The following ATM variants were observed in gnomAD, a reference collection of about 807,000 sequenced individuals.
The protein encoded by ATM is ATM serine/threonine kinase.
In ATM, 308 loss-of-function variants were observed where a neutral mutation model predicts 387.0. The ratio of observed to expected loss-of-function variants is 0.80; its 90% confidence interval spans 0.73 to 0.87. The LOEUF (loss-of-function observed/expected upper bound fraction) is 0.87. ATM is among the 40% of genes least tolerant of loss of function. ATM has a pLI of 0.00. For missense variants in ATM, 3,312 were observed against 3,560.9 expected (o/e 0.93, Z 1.78); for synonymous variants, 1,156 against 1,187.3 (o/e 0.97, Z 0.54).
At chr11:108,335,453 C>T (rs948788618) in intron 55 of ATM, among the ~76,000 whole-genome samples, 2 of 152,018 alleles carry the variant, frequency 1.3e-5, no homozygotes, top group African/African-American at 4.8e-5. Context: ...ATCAGTATAC[C>T]GGGTCTCGTA....
At chr11:108,273,523 G>C (rs748442801) in intron 22 of ATM, among the ~76,000 whole-genome samples, 1 of 151,178 alleles carries the variant, frequency 6.6e-6, no homozygotes, top group African/African-American at 2.4e-5. Flanking sequence ...TTTATTTTTC[G>C]TAGAGATGGA....
intron 26 of ATM, among the ~76,000 whole-genome samples, chr11:108,285,317 C>G (rs947727390): frequency 1.0e-5 from 1 of 98,920 alleles, no homozygotes; most frequent in Admixed American, 1.1e-4. Context: ...ATACATTTTT[C>G]TCTCTTTTTT....
chr11:108,238,681 T>A (rs1418564262), intron 5 of ATM, among the ~76,000 whole-genome samples: 2 of 152,148 alleles, frequency 1.3e-5, no homozygotes, highest in African/African-American at 4.8e-5. Context: ...GAATGTTCTT[T>A]TGGATTTTCT....
In ATM at chr11:108,267,254, G is replaced by A. The variant is rs1399925352; in HGVS notation, c.2550G>A (p.Glu850=). ...CTAATGGAAATCTAATGGAGGTGGA[G>A]GATCAGTCATCCATGAATCTATTTA... is the stretch of plus-strand genomic sequence containing the variant. ...DDTNGNLMEV[E]DQSSMNLFND... is the part of the protein sequence containing the mutation. Residue 850 remains glutamate, a synonymous_variant, in exon 17 of 63, where the codon GAG becomes GAA. Coordinates refer to ENST00000675843, the MANE Select transcript of ATM (RefSeq NM_000051.4). 9 of 1,614,038 alleles carry A rather than the reference G, an allele frequency of 5.6e-6. No homozygotes were observed. The highest frequency in any genetic ancestry group is 7.6e-6 in the Non-Finnish European group (9 of 1,179,920).
At chr11:108,270,717 A>G (rs565065803) in intron 18 of ATM, among the ~76,000 whole-genome samples, 9 of 152,110 alleles carry the variant, frequency 5.9e-5, no homozygotes, top group African/African-American at 2.2e-4. Flanking sequence ...TTTTTTTGAG[A>G]CGGAATCTCG....
At position 108,343,491 on chromosome 11, in the gene ATM, A is replaced by T. The variant is rs1344899789; in HGVS notation, c.8418+120A>T. The T allele has an allele frequency of 2.4e-6, 3 of 1,227,098 alleles. No individual in the cohort carries two copies. In the African/African-American group the frequency reaches 4.6e-5, roughly 19 times the overall value. 76.0% of individuals were successfully genotyped at this position (1,227,098 alleles called of 1,614,324 possible). ...TAATTTCATCAGGTAATTGTCAAAGATACTAAGTAAAAGAAAAACTCATCA... is the reference window on the plus strand; with the variant it reads ...TAATTTCATCAGGTAATTGTCAAAGTTACTAAGTAAAAGAAAAACTCATCA... On this transcript the variant is annotated intron_variant, in intron 57 of 62. Transcript: ENST00000675843.
intron 29 of ATM, among the ~76,000 whole-genome samples, chr11:108,291,979 C>A (rs1177041058): frequency 6.6e-6 from 1 of 152,186 alleles, no homozygotes; most frequent in Admixed American, 6.5e-5. Flanking sequence ...TAGGCAGCCT[C>A]TTGTATGTCT....
intron 5 of ATM, among the ~76,000 whole-genome samples, chr11:108,241,406 T>G (rs1033037126): frequency 8.5e-5 from 13 of 152,260 alleles, no homozygotes; most frequent in African/African-American, 3.1e-4. Flanking sequence ...TCAAGGTTTA[T>G]GTACTATACA....
At position 108,335,857 on chromosome 11, in the gene ATM, C is replaced by T. The variant is rs587782399; in HGVS notation, c.8164C>T (p.Leu2722=). 2 of 1,613,596 alleles carry T rather than the reference C, an allele frequency of 1.2e-6. No homozygotes were observed. The highest frequency in any genetic ancestry group is 4.5e-5 in the East Asian group (2 of 44,854). ...RRQLVKGRDD[L]RQDAVMQQVF... ...AATTATTCTGAAGGGCCGTGATGAC[C>T]TGAGACAAGATGCTGTCATGCAACA... Residue 2722 remains leucine, a synonymous_variant, in exon 56 of 63, where the codon CTG becomes TTG. Transcript: ENST00000675843.
intron 56 of ATM, among the ~76,000 whole-genome samples, chr11:108,337,554 C>T (rs114587206): frequency 2.0e-5 from 3 of 152,248 alleles, no homozygotes; most frequent in African/African-American, 4.8e-5. Context: ...TGTGAATGTG[C>T]GTTTCTAGCA....
At chr11:108,280,947 T>TA in intron 23 of ATM, 48 bp from the exon 24 acceptor site, 3 of 1,535,240 alleles carry the variant, frequency 2.0e-6, no homozygotes, top group Non-Finnish European at 2.7e-6. Flanking sequence ...AATTGATTGT[T>TA]AAACATTTAC....
At chr11:108,244,684 A>T in intron 6 of ATM, 104 bp from the exon 7 acceptor site, 1 of 903,332 alleles carries the variant, frequency 1.1e-6, no homozygotes, top group Non-Finnish European at 1.8e-6. Context: ...TTTGAAAATT[A>T]GGGTTTTGTT....
At chr11:108,300,913 C>A (rs1439177797) in intron 34 of ATM, among the ~76,000 whole-genome samples, 1 of 133,940 alleles carries the variant, frequency 7.5e-6, no homozygotes, top group African/African-American at 2.8e-5. Context: ...GACAGGGTCT[C>A]GCTCTATCAC....
intron 23 of ATM, 46 bp downstream of exon 23, chr11:108,279,654 G>T: frequency 7.0e-7 from 1 of 1,420,958 alleles, no homozygotes. Flanking sequence ...TGCTTGCTAT[G>T]AATATCCCAT....
chr11:108,318,142 G>A (rs1489697965), intron 43 of ATM, among the ~76,000 whole-genome samples: 2 of 151,878 alleles, frequency 1.3e-5, no homozygotes, highest in African/African-American at 2.4e-5. Flanking sequence ...CGGGTGGATC[G>A]CCTGAGCTCA....
intron 50 of ATM, among the ~76,000 whole-genome samples, chr11:108,330,717 T>C (rs996311570): frequency 6.6e-6 from 1 of 152,238 alleles, no homozygotes; most frequent in Non-Finnish European, 1.5e-5. Flanking sequence ...GCAGTTACCA[T>C]AGGAGAGGGT....
intron 59 of ATM, among the ~76,000 whole-genome samples, chr11:108,347,592 CAAGA>C (rs916730286): frequency 6.6e-6 from 1 of 151,904 alleles, no homozygotes; most frequent in Non-Finnish European, 1.5e-5. Context: ...GCCTGGTCTT[CAAGA>C]AAGAAAGAAA....
In ATM at chr11:108,247,978, C is replaced by A. The variant is rs11212567; in HGVS notation, c.1065+851C>A. 3.8e-3 allele frequency among the ~76,000 whole-genome samples: 585 copies of A among 152,268 alleles called. 5 individuals carry two copies. Among genetic ancestry groups the A allele is most frequent in the Non-Finnish European group, 6.6e-3 (448 of 68,012 alleles). On this transcript the variant is annotated intron_variant, in intron 8 of 62. Coordinates refer to ENST00000675843, the MANE Select transcript of ATM (RefSeq NM_000051.4). ...CCCTGCATCTCCTAGATCCTGGCAA[C>A]CAGCCACTAATCAATCTTGGTTTTT...
At chr11:108,257,221 T>A (rs2080550171) in intron 14 of ATM, among the ~76,000 whole-genome samples, 1 of 152,214 alleles carries the variant, frequency 6.6e-6, no homozygotes, top group Non-Finnish European at 1.5e-5. Context: ...AGCATGAAAC[T>A]CTTTCTTATC....
Sources: gnomAD v4.1 joint callset for allele counts (sites outside exome capture counted in the v4.1 genomes callset) on GRCh38, gnomAD v4.1.1 for gene constraint, MANE v1.5 for transcripts, NCBI Gene and HGNC (gene_info 2026-07-23, HGNC 2026-07-21) for gene names.